Variants in SFMBT1 observed in about 807,000 individuals in gnomAD.
The protein encoded by SFMBT1 is scm-like with four MBT domains protein 1.
SFMBT1 carries 32 observed loss-of-function variants against 108.7 expected under a neutral mutation model. The observed-to-expected ratio is 0.29, with a 90% CI of 0.22 to 0.40. The LOEUF (loss-of-function observed/expected upper bound fraction) is 0.40, where lower values mean the gene tolerates loss of function less well. Among genes scored for constraint, SFMBT1 ranks in the 10% least tolerant of loss-of-function variants. The pLI, the probability that SFMBT1 is intolerant of heterozygous loss-of-function variation, is 1.00. For missense variants in SFMBT1, 816 were observed against 1,059.6 expected (o/e 0.77, Z 3.19); for synonymous variants, 348 against 369.5 (o/e 0.94, Z 0.67).
At chr3:52,992,247 A>G (rs1188836394) in intron 1 of SFMBT1, among the ~76,000 whole-genome samples, 2 of 152,224 alleles carry the variant, frequency 1.3e-5, no homozygotes, top group African/African-American at 2.4e-5. Flanking sequence ...TCACCTTCCT[A>G]GTCCCTCCTC....
At chr3:53,020,993 G>C (rs906378065) in intron 1 of SFMBT1, among the ~76,000 whole-genome samples, 2 of 152,208 alleles carry the variant, frequency 1.3e-5, no homozygotes, top group Non-Finnish European at 2.9e-5. Context: ...AGGAAGCAGA[G>C]GTTGCAGTGA....
intron 1 of SFMBT1, among the ~76,000 whole-genome samples, chr3:52,977,326 T>C (rs1187612444): frequency 3.3e-5 from 5 of 151,922 alleles, no homozygotes. Flanking sequence ...CTGAAAAACA[T>C]GGTGAAACCC....
chr3:52,931,575 C>T (rs762938451), intron 6 of SFMBT1, among the ~76,000 whole-genome samples: 4 of 152,138 alleles, frequency 2.6e-5, no homozygotes, highest in Non-Finnish European at 5.9e-5. Flanking sequence ...TACGGTGTCT[C>T]ACGCCTGTAA....
At chr3:52,996,244 C>T (rs114031586) in intron 1 of SFMBT1, among the ~76,000 whole-genome samples, 3,054 of 136,230 alleles carry the variant, frequency 0.022, 156 homozygotes, top group African/African-American at 0.077. Context: ...CAGGGTCTCC[C>T]TCTGGTCACT....
chr3:52,925,317 A>C (rs61386473), intron 10 of SFMBT1, among the ~76,000 whole-genome samples: 1 of 152,228 alleles, frequency 6.6e-6, no homozygotes, highest in South Asian at 2.1e-4. Context: ...AAATTGTAAT[A>C]TAACTCTAAA....
chr3:52,916,061 C>T, intron 14 of SFMBT1, 89 bp downstream of exon 14: 2 of 1,077,430 alleles, frequency 1.9e-6, no homozygotes, highest in Non-Finnish European at 2.8e-6. Context: ...ACATACTATA[C>T]ATCAAATGTA....
At chr3:52,987,931 G>T (rs1305648574) in intron 1 of SFMBT1, among the ~76,000 whole-genome samples, 1 of 152,126 alleles carries the variant, frequency 6.6e-6, no homozygotes, top group Non-Finnish European at 1.5e-5. Context: ...GAATAACACT[G>T]AATTAAGAAT....
intron 19 of SFMBT1, 21 bp downstream of exon 19, chr3:52,907,048 A>C: frequency 6.3e-7 from 1 of 1,584,838 alleles, no homozygotes; most frequent in Non-Finnish European, 8.5e-7. Flanking sequence ...AAGAAAAAAG[A>C]AACTATTTTT....
At chr3:52,951,689 A>T (rs1006846255) in intron 3 of SFMBT1, among the ~76,000 whole-genome samples, 30 of 152,194 alleles carry the variant, frequency 2.0e-4, no homozygotes, top group African/African-American at 7.0e-4. Flanking sequence ...TGGGCTATTT[A>T]ACTGCAGCAG....
chr3:52,923,747 T>A (rs1702580729), intron 10 of SFMBT1, among the ~76,000 whole-genome samples: 1 of 152,022 alleles, frequency 6.6e-6, no homozygotes, highest in Non-Finnish European at 1.5e-5. Flanking sequence ...AAGCAGAGGT[T>A]TGATCCAGAG....
rs57640588 is a variant in SFMBT1 at position 53,040,968 on chromosome 3, A to ATTTTTTTTTTTTTT, written c.-131+4834_-131+4847dup. Among the ~76,000 whole-genome samples, 43 of 46,384 alleles carry ATTTTTTTTTTTTTT rather than the reference A, an allele frequency of 9.3e-4. 3 individuals are homozygous for ATTTTTTTTTTTTTT. The highest frequency in any genetic ancestry group is 1.0e-3 in the Non-Finnish European group (26 of 25,170). The allele number at this position is 46,384 out of a possible 152,430, so 30.4% of individuals were successfully genotyped here. A position where few individuals can be genotyped will look rare whatever the true frequency, so the allele number is the denominator to read the frequency against. On this transcript the variant is annotated intron_variant, in intron 1 of 20. Transcript: ENST00000394752. Reference sequence around the variant, plus strand: ...TACAGGCATGCACCAAGACACCTGAATTTTTTTTTTTTTTTTTTTTTTTTT... The same window carrying ATTTTTTTTTTTTTT: ...TACAGGCATGCACCAAGACACCTGAATTTTTTTTTTTTTTTTTTTTTTTTTTTTTTTTTTTTTTT...
chr3:52,946,718 A>C (rs985564339), intron 3 of SFMBT1, among the ~76,000 whole-genome samples: 1 of 152,156 alleles, frequency 6.6e-6, no homozygotes, highest in Non-Finnish European at 1.5e-5. Context: ...CTGTTTTCCA[A>C]AGAAGTTGTA....
chr3:53,044,075 C>T (rs566051538), intron 1 of SFMBT1, among the ~76,000 whole-genome samples: 53 of 152,276 alleles, frequency 3.5e-4, no homozygotes, highest in Non-Finnish European at 6.9e-4. Context: ...TAAGATCTTT[C>T]GGTAGGTTAT....
At chr3:52,947,753 G>A (rs368463583) in intron 3 of SFMBT1, among the ~76,000 whole-genome samples, 1 of 143,788 alleles carries the variant, frequency 7.0e-6, no homozygotes, top group Non-Finnish European at 1.5e-5. Flanking sequence ...TTTTTTCCTC[G>A]AGACAGCGTC....
In SFMBT1 at chr3:52,906,913, A is replaced by C. The variant is rs114427411; in HGVS notation, c.2331+156T>G. On this transcript the variant is annotated intron_variant, in intron 19 of 20. Transcript: ENST00000394752. ...CTCAACTAATCCTTGAAACACATGT[A>C]AATCACTGCATTTGGGGTCACTTTA... 5.6e-3 allele frequency among the ~76,000 whole-genome samples: 854 copies of C among 152,296 alleles called. 10 individuals carry two copies. Among genetic ancestry groups the C allele is most frequent in the African/African-American group, 0.02 (817 of 41,558 alleles).
At chr3:52,913,706 AC>A (rs147543738) in intron 14 of SFMBT1, 89 bp from the exon 15 acceptor site, 470 of 1,353,894 alleles carry the variant, frequency 3.5e-4, no homozygotes, top group Non-Finnish European at 4.2e-4. Flanking sequence ...AAAACGAAGC[AC>A]ATGTACCATT....
At chr3:52,992,157 T>A (rs1222383196) in intron 1 of SFMBT1, among the ~76,000 whole-genome samples, 2 of 152,234 alleles carry the variant, frequency 1.3e-5, no homozygotes, top group Admixed American at 1.3e-4. Context: ...TCTGTGTTCA[T>A]TCACTCACAC....
chr3:52,950,160 T>C (rs553541712), intron 3 of SFMBT1, among the ~76,000 whole-genome samples: 7 of 150,616 alleles, frequency 4.6e-5, no homozygotes, highest in African/African-American at 1.4e-4. Context: ...TTTGTTGCCT[T>C]CTTCTTTGTT....
At position 52,975,950 on chromosome 3, in the gene SFMBT1, G is replaced by A. The variant is rs147949865; in HGVS notation, c.-130-6692C>T. Among the ~76,000 whole-genome samples, 346 of 152,178 alleles carry A rather than the reference G, an allele frequency of 2.3e-3. 1 individual carries two copies. The highest frequency in any genetic ancestry group is 7.3e-3 in the African/African-American group (304 of 41,526). On this transcript the variant is annotated intron_variant, in intron 1 of 20. Transcript: ENST00000394752. ...TGCTTGAGTCTGAGAGGCAGAGGCT[G>A]TAATGACCCAAGATCATGCCGCCGC...
Sources: allele counts gnomAD v4.1 joint callset (sites outside exome capture counted in the v4.1 genomes callset), GRCh38; gene constraint gnomAD v4.1.1; transcripts MANE v1.5; gene names NCBI Gene and HGNC (gene_info 2026-07-23, HGNC 2026-07-21).